ADCY2: variants seen among roughly 807,000 people sequenced by gnomAD.
The protein encoded by ADCY2 is adenylate cyclase 2.
A neutral mutation model predicts 125.2 loss-of-function variants in ADCY2; 31 were observed. That is an observed-to-expected ratio of 0.25 (90% confidence interval 0.19 to 0.33). The LOEUF is 0.33. ADCY2 is among the 10% of genes least tolerant of loss of function. The pLI is 1.00. For synonymous variants in ADCY2, 512 were observed against 548.4 expected (o/e 0.93, Z 0.93); for missense variants, 904 against 1,418.2 (o/e 0.64, Z 5.82).
intron 17 of ADCY2, among the ~76,000 whole-genome samples, chr5:7,768,854 G>T (rs1743474148): frequency 6.6e-6 from 1 of 152,198 alleles, no homozygotes; most frequent in South Asian, 2.1e-4. Context: ...GGAAGCCCCA[G>T]GTCTACGTGG....
chr5:7,549,946 C>T (rs1735274591), intron 3 of ADCY2, among the ~76,000 whole-genome samples: 1 of 152,112 alleles, frequency 6.6e-6, no homozygotes, highest in Non-Finnish European at 1.5e-5. Flanking sequence ...CTCACAGCTT[C>T]CCTCTTTGGA....
intron 23 of ADCY2, among the ~76,000 whole-genome samples, chr5:7,819,338 A>T (rs1367135360): frequency 2.0e-5 from 3 of 152,198 alleles, no homozygotes; most frequent in Non-Finnish European, 4.4e-5. Flanking sequence ...GACCTCTTCT[A>T]TTATCAAACT....
At position 7,706,652 on chromosome 5, in the gene ADCY2, A is replaced by T; in HGVS notation, c.1110-92A>T. 3.4e-6 allele frequency: 5 copies of T among 1,460,926 alleles called. No individual in the cohort carries two copies. In the South Asian group the frequency reaches 5.0e-5, roughly 15 times the overall value. The allele number at this position is 1,460,926 out of a possible 1,614,324, so 90.5% of individuals were successfully genotyped here. Reference sequence around the variant, plus strand: ...ATGGTCATTTCCGACAGTTTGAAAAATTCTGAATAATAAAATACTGGGAAA... The same window carrying T: ...ATGGTCATTTCCGACAGTTTGAAAATTTCTGAATAATAAAATACTGGGAAA... On this transcript the variant is annotated intron_variant, in intron 7 of 24. Transcript: ENST00000338316.
chr5:7,651,129 T>C (rs1236771698), intron 4 of ADCY2, among the ~76,000 whole-genome samples: 1 of 152,198 alleles, frequency 6.6e-6, no homozygotes, highest in African/African-American at 2.4e-5. Context: ...AGCATTCTTC[T>C]TTAAAACTGT....
intron 2 of ADCY2, among the ~76,000 whole-genome samples, chr5:7,422,681 GCTAACATTTTT>G (rs1170429842): frequency 6.6e-6 from 1 of 152,166 alleles, no homozygotes; most frequent in Non-Finnish European, 1.5e-5. Flanking sequence ...AACTCGAAAG[GCTAACATTTTT>G]CTCTAGGAAG....
intron 3 of ADCY2, chr5:7,522,310 G>T (rs935440190): frequency 6.6e-6 from 1 of 152,160 alleles, no homozygotes; most frequent in Non-Finnish European, 1.5e-5. Flanking sequence ...ATCACAGAAA[G>T]TGTGTATCCT....
intron 3 of ADCY2, among the ~76,000 whole-genome samples, chr5:7,532,605 A>G (rs113048891): frequency 0.022 from 3,330 of 152,250 alleles, 119 homozygotes; most frequent in African/African-American, 0.077. Flanking sequence ...TAAGTGTTAT[A>G]CTGCGAAGGA....
intron 2 of ADCY2, among the ~76,000 whole-genome samples, chr5:7,466,063 A>G (rs26739): frequency 0.17 from 25,583 of 152,172 alleles, 2,804 homozygotes; most frequent in East Asian, 0.51. Flanking sequence ...TTTAGCACTA[A>G]GAATCTTTAT....
chr5:7,679,803 G>C (rs980031631), intron 4 of ADCY2, among the ~76,000 whole-genome samples: 16 of 152,214 alleles, frequency 1.1e-4, no homozygotes, highest in African/African-American at 2.4e-5. Flanking sequence ...ATGTGACAGA[G>C]ACCAATGGAT....
At chr5:7,397,308 C>G (rs943306079) in intron 1 of ADCY2, among the ~76,000 whole-genome samples, 18 of 152,068 alleles carry the variant, frequency 1.2e-4, no homozygotes, top group African/African-American at 3.9e-4. Flanking sequence ...TTGGCTCGCT[C>G]CCTTGAAAAG....
chr5:7,731,402 C>T (rs894226888), intron 14 of ADCY2, among the ~76,000 whole-genome samples: 10 of 151,172 alleles, frequency 6.6e-5, no homozygotes, highest in African/African-American at 1.9e-4. Flanking sequence ...ATTGCAGGCG[C>T]CCAACATCAC....
At chr5:7,572,160 A>G (rs781580229) in intron 3 of ADCY2, among the ~76,000 whole-genome samples, 2 of 152,136 alleles carry the variant, frequency 1.3e-5, no homozygotes, top group Non-Finnish European at 2.9e-5. Context: ...ATACCTAGTA[A>G]TGGGATTGCT....
chr5:7,645,095 T>A (rs1272529948), intron 4 of ADCY2, among the ~76,000 whole-genome samples: 3 of 152,232 alleles, frequency 2.0e-5, no homozygotes, highest in Non-Finnish European at 2.9e-5. Context: ...AGTTACTTCA[T>A]CATTCAAGTC....
chr5:7,601,837 G>A (rs147678719), intron 3 of ADCY2, among the ~76,000 whole-genome samples: 28 of 152,242 alleles, frequency 1.8e-4, no homozygotes, highest in Admixed American at 2.6e-4. Context: ...CATTCCCTAG[G>A]GCTGCTGTAA....
chr5:7,730,211 A>G lies in ADCY2; in HGVS notation c.1871+2950A>G, dbSNP rs561696024. ...CAACCAAGTTGCTGCAAAAGATATT[A>G]TTTCTTTTATTTTTTTGGCAGAGTA... On this transcript the variant is annotated intron_variant, in intron 14 of 24. Transcript: ENST00000338316. Among the ~76,000 whole-genome samples, 4 of 152,262 alleles carry G rather than the reference A, an allele frequency of 2.6e-5. No homozygotes were observed. The South Asian group carries it at 8.3e-4, about 32-fold the overall frequency.
chr5:7,552,803 C>T (rs1735381360), intron 3 of ADCY2, among the ~76,000 whole-genome samples: 1 of 152,022 alleles, frequency 6.6e-6, no homozygotes, highest in African/African-American at 2.4e-5. Context: ...TCTTAGGTTG[C>T]CCTTGTACTA....
At chr5:7,431,890 G>A (rs1356394895) in intron 2 of ADCY2, among the ~76,000 whole-genome samples, 1 of 152,058 alleles carries the variant, frequency 6.6e-6, no homozygotes, top group African/African-American at 2.4e-5. Context: ...CCTGGTGAGG[G>A]CCCCACCCTC....
chr5:7,756,537 G>A (rs1174752539), intron 15 of ADCY2, among the ~76,000 whole-genome samples: 1 of 152,130 alleles, frequency 6.6e-6, no homozygotes, highest in Non-Finnish European at 1.5e-5. Flanking sequence ...CTACAACATC[G>A]TGATCTCTGG....
In ADCY2 at chr5:7,743,725, C is replaced by A; in HGVS notation, c.1929C>A (p.Leu643=). 6.2e-7 allele frequency: 1 copy of A among 1,614,130 alleles called. No individual in the cohort carries two copies. Among genetic ancestry groups the A allele is most frequent in the Non-Finnish European group, 8.5e-7 (1 of 1,180,004 alleles). The change falls in exon 15 of 25, where the codon CTC becomes CTA. Residue 643 remains leucine, a synonymous_variant. Transcript: ENST00000338316. Reference sequence around the variant, plus strand: ...CGTTTCTCTTGCTGGCCTTCATCCTCTTCGTCTGCTTTGCTGGACAGCTTC... The same window carrying A: ...CGTTTCTCTTGCTGGCCTTCATCCTATTCGTCTGCTTTGCTGGACAGCTTC... ...GAAFLLLAFI[L]FVCFAGQLLQ...
Sources: gnomAD v4.1 joint callset for allele counts (sites outside exome capture counted in the v4.1 genomes callset) on GRCh38, gnomAD v4.1.1 for gene constraint, MANE v1.5 for transcripts, NCBI Gene and HGNC (gene_info 2026-07-23, HGNC 2026-07-21) for gene names.